The following ADGRL3 variants were observed in gnomAD, a reference collection of about 807,000 sequenced individuals.
ADGRL3 encodes the protein adhesion G protein-coupled receptor L3, also known as calcium-independent alpha-latrotoxin receptor 3.
A neutral mutation model predicts 153.5 loss-of-function variants in ADGRL3; 62 were observed. The ratio of observed to expected loss-of-function variants is 0.40; its 90% CI spans 0.33 to 0.50. The LOEUF is 0.50. Among genes scored for constraint, ADGRL3 ranks in the 20% least tolerant of loss-of-function variants. The probability of loss-of-function intolerance (pLI) is 0.47; values close to 1 mark genes in which losing one functional copy is unlikely to be tolerated. For synonymous variants in ADGRL3, 710 were observed against 672.5 expected, an observed-to-expected ratio of 1.06 and a Z score of -0.86; for missense variants, 1,641 against 1,859.4, an observed-to-expected ratio of 0.88 and a Z score of 2.16.
chr4:62,014,657 C>T (rs1330260675), intron 21 of ADGRL3, among the ~76,000 whole-genome samples: 1 of 152,118 alleles, frequency 6.6e-6, no homozygotes, highest in African/African-American at 2.4e-5. Context: ...TCCCCAAATT[C>T]CAGAAAATAC....
At chr4:61,370,736 T>G (rs1404408982) in intron 1 of ADGRL3, among the ~76,000 whole-genome samples, 3 of 151,820 alleles carry the variant, frequency 2.0e-5, no homozygotes, top group Non-Finnish European at 4.4e-5. Context: ...TCTGTAGATG[T>G]CTATTAGGTC....
At chr4:61,834,529 C>A (rs1030276662) in intron 9 of ADGRL3, among the ~76,000 whole-genome samples, 7 of 152,212 alleles carry the variant, frequency 4.6e-5, no homozygotes, top group Admixed American at 3.3e-4. Flanking sequence ...CCTGAGGAAT[C>A]GAAAGGCAGT....
intron 4 of ADGRL3, among the ~76,000 whole-genome samples, chr4:61,547,925 T>C (rs1223063374): frequency 1.3e-5 from 2 of 152,152 alleles, no homozygotes; most frequent in Non-Finnish European, 2.9e-5. Context: ...TGTTATTTTT[T>C]GACTTTTTAA....
intron 1 of ADGRL3, among the ~76,000 whole-genome samples, chr4:61,222,721 G>T (rs1282691043): frequency 3.3e-5 from 5 of 152,190 alleles, no homozygotes. Flanking sequence ...GTGCAGTCAA[G>T]AAAGATAGAA....
chr4:61,481,697 C>T lies in ADGRL3; in HGVS notation c.-173-15424C>T, dbSNP rs184153670. 2.7e-5 allele frequency among the ~76,000 whole-genome samples: 4 copies of T among 150,870 alleles called. No individual in the cohort carries two copies. In the East Asian group the frequency reaches 7.8e-4, roughly 29 times the overall value. ...TCTTAAAATCACATATTAGAATATA[C>T]ATTTTAATGATAAAATAAGATATAC... On this transcript the variant is annotated intron_variant, in intron 2 of 26. Coordinates refer to ENST00000683033, the MANE Select transcript of ADGRL3 (RefSeq NM_001387552.1).
chr4:61,264,259 C>A (rs2149660500), intron 1 of ADGRL3, among the ~76,000 whole-genome samples: 1 of 152,014 alleles, frequency 6.6e-6, no homozygotes, highest in East Asian at 1.9e-4. Context: ...GAACTGATTT[C>A]TAGGGGGACT....
intron 10 of ADGRL3, among the ~76,000 whole-genome samples, chr4:61,894,896 G>A (rs1218699209): frequency 3.3e-5 from 5 of 151,818 alleles, no homozygotes; most frequent in African/African-American, 9.7e-5. Flanking sequence ...TTGATTTTCC[G>A]GCACCCACAA....
At chr4:61,568,600 C>T (rs2098825932) in intron 4 of ADGRL3, among the ~76,000 whole-genome samples, 1 of 152,032 alleles carries the variant, frequency 6.6e-6, no homozygotes. Flanking sequence ...GTCAGGATTC[C>T]TTAACAAAGA....
chr4:62,071,041 C>G lies in ADGRL3; in HGVS notation c.*133C>G. 2.5e-6 allele frequency: 2 copies of G among 808,124 alleles called. No homozygotes were observed. The highest frequency in any genetic ancestry group is 3.7e-6 in the Non-Finnish European group (2 of 534,666). 50.1% of individuals were successfully genotyped at this position (808,124 alleles called of 1,614,324 possible). On this transcript the variant is annotated 3_prime_UTR_variant, in exon 27 of 27. Coordinates refer to ENST00000683033, the MANE Select transcript of ADGRL3 (RefSeq NM_001387552.1). ...TCCTCTAAAGACAAACACAAACTCT[C>G]AGACTTTTTTTTTTTTAATGGGATT... is the stretch of plus-strand genomic sequence containing the variant.
intron 8 of ADGRL3, among the ~76,000 whole-genome samples, chr4:61,767,105 G>A (rs1485870472): frequency 6.6e-6 from 1 of 151,928 alleles, no homozygotes; most frequent in Non-Finnish European, 1.5e-5. Context: ...TGCATGATTG[G>A]TCGCCAAGGA....
chr4:61,840,976 AAACTTCCTCTAATC>A (rs2098022109), intron 9 of ADGRL3, among the ~76,000 whole-genome samples: 1 of 151,914 alleles, frequency 6.6e-6, no homozygotes, highest in Admixed American at 6.6e-5. Context: ...CTTTCTCCTC[AAACTTCCTCTAATC>A]ACAAGGGGGA....
chr4:61,663,358 C>G (rs963780043), intron 5 of ADGRL3, among the ~76,000 whole-genome samples: 8 of 152,178 alleles, frequency 5.3e-5, no homozygotes, highest in Non-Finnish European at 1.0e-4. Context: ...CAATGCCAGC[C>G]GTAGATGCCA....
At chr4:62,045,716 CAAT>C (rs993881967) in intron 25 of ADGRL3, among the ~76,000 whole-genome samples, 4 of 151,850 alleles carry the variant, frequency 2.6e-5, no homozygotes, top group African/African-American at 9.7e-5. Context: ...TTTGGGGCAA[CAAT>C]ATAGTAACTA....
At chr4:62,007,429 T>TAC (rs1374410502) in intron 21 of ADGRL3, among the ~76,000 whole-genome samples, 1 of 127,022 alleles carries the variant, frequency 7.9e-6, no homozygotes, top group East Asian at 2.2e-4. Context: ...TATACACATA[T>TAC]ATATATATAT....
intron 2 of ADGRL3, among the ~76,000 whole-genome samples, chr4:61,414,007 T>TCA (rs2097117873): frequency 6.6e-6 from 1 of 152,236 alleles, no homozygotes; most frequent in Non-Finnish European, 1.5e-5. Context: ...GTGTATAATT[T>TCA]TTCTATAGTC....
At chr4:61,408,195 T>A (rs1253801716) in intron 2 of ADGRL3, among the ~76,000 whole-genome samples, 2 of 152,118 alleles carry the variant, frequency 1.3e-5, no homozygotes, top group African/African-American at 4.8e-5. Context: ...AGGTTTTTTT[T>A]AAAGATCACA....
chr4:61,809,305 A>G (rs138026538), intron 8 of ADGRL3, among the ~76,000 whole-genome samples: 72 of 152,268 alleles, frequency 4.7e-4, no homozygotes, highest in African/African-American at 1.7e-3. Context: ...TGGTTTATTG[A>G]TATCTTCTTT....
chr4:61,315,115 A>G (rs1174554098), intron 1 of ADGRL3, among the ~76,000 whole-genome samples: 1 of 152,154 alleles, frequency 6.6e-6, no homozygotes, highest in Non-Finnish European at 1.5e-5. Flanking sequence ...GAGATAGTGA[A>G]ATTTGTAATC....
At chr4:61,210,488 G>A (rs369003202) in intron 1 of ADGRL3, among the ~76,000 whole-genome samples, 16 of 152,136 alleles carry the variant, frequency 1.1e-4, no homozygotes, top group Admixed American at 5.9e-4. Flanking sequence ...TTCCATTGAC[G>A]CTGACCCTGT....
Sources: gnomAD v4.1 joint callset for allele counts (sites outside exome capture counted in the v4.1 genomes callset) on GRCh38, gnomAD v4.1.1 for gene constraint, MANE v1.5 for transcripts, NCBI Gene and HGNC (gene_info 2026-07-23, HGNC 2026-07-21) for gene names.